WAC: variants seen among roughly 807,000 people sequenced by gnomAD.
WAC encodes the protein WW domain-containing adapter protein with coiled-coil.
A neutral mutation model predicts 79.6 loss-of-function variants in WAC; 11 were observed. The observed-to-expected ratio is 0.14, with a 90% confidence interval of 0.09 to 0.23. The LOEUF is 0.23. WAC is among the 10% of genes least tolerant of loss of function. The pLI is 1.00. For synonymous variants in WAC, 304 were observed against 276.9 expected, an observed-to-expected ratio of 1.10 and a Z score of -0.97; for missense variants, 728 against 773.5, an observed-to-expected ratio of 0.94 and a Z score of 0.70.
intron 11 of WAC, chr10:28,614,967 G>A (rs1841412644): frequency 1.7e-5 from 4 of 232,232 alleles, no homozygotes; most frequent in Non-Finnish European, 3.3e-5. Flanking sequence ...GTACCAGAAA[G>A]GCACACGATT....
chr10:28,614,841 TGTATACAAG>T, intron 11 of WAC, 156 bp downstream of exon 11: 1 of 606,772 alleles, frequency 1.6e-6, no homozygotes, highest in Non-Finnish European at 2.8e-6. Flanking sequence ...AAGACAAACC[TGTATACAAG>T]AGGTAGGTTA....
intron 3 of WAC, among the ~76,000 whole-genome samples, chr10:28,559,136 A>ATG (rs111740298): frequency 0.02 from 2,866 of 146,740 alleles, 83 homozygotes; most frequent in East Asian, 0.065. Context: ...GAGAAACCTG[A>ATG]TGTGTGTGTG....
At chr10:28,586,540 G>A (rs1839830145) in intron 4 of WAC, among the ~76,000 whole-genome samples, 1 of 152,018 alleles carries the variant, frequency 6.6e-6, no homozygotes, top group African/African-American at 2.4e-5. Flanking sequence ...AAAATAAATA[G>A]CTAAGTGTGG....
chr10:28,619,413 T>A lies in WAC; in HGVS notation c.1875-124T>A, dbSNP rs332179. 0.55 allele frequency: 377,655 copies of A among 691,318 alleles called. 104,987 individuals carry two copies. Among genetic ancestry groups the A allele is most frequent in the East Asian group, 0.71 (22,325 of 31,346 alleles). 42.8% of individuals were successfully genotyped at this position (691,318 alleles called of 1,614,324 possible). ...ACCAATTTATAGTTAAATAATTTTT[T>A]AAATTTCTTTGCCTTAATTAGAAAT... On this transcript the variant is annotated intron_variant, in intron 13 of 13. Coordinates refer to ENST00000354911, the MANE Select transcript of WAC (RefSeq NM_016628.5).
chr10:28,541,305 T>C (rs1222233974), intron 3 of WAC, among the ~76,000 whole-genome samples: 1 of 151,410 alleles, frequency 6.6e-6, no homozygotes, highest in Non-Finnish European at 1.5e-5. Context: ...CTGGAAAGAG[T>C]GAAGATGGAA....
chr10:28,540,649 C>A (rs1192131176), intron 3 of WAC, among the ~76,000 whole-genome samples: 1 of 152,144 alleles, frequency 6.6e-6, no homozygotes, highest in African/African-American at 2.4e-5. Flanking sequence ...AATACACTAA[C>A]GTTTGGATTT....
At chr10:28,557,920 A>G (rs1373367030) in intron 3 of WAC, among the ~76,000 whole-genome samples, 1 of 151,900 alleles carries the variant, frequency 6.6e-6, no homozygotes, top group African/African-American at 2.4e-5. Context: ...TAAAAATACA[A>G]AAAATTAGCC....
intron 3 of WAC, among the ~76,000 whole-genome samples, chr10:28,569,199 T>A (rs1838811158): frequency 6.6e-6 from 1 of 152,234 alleles, no homozygotes; most frequent in Admixed American, 6.5e-5. Flanking sequence ...TACTAATAAC[T>A]GTTCTTTATA....
chr10:28,607,599 TG>T (rs1841022312), intron 7 of WAC, among the ~76,000 whole-genome samples: 1 of 152,198 alleles, frequency 6.6e-6, no homozygotes, highest in Non-Finnish European at 1.5e-5. Flanking sequence ...CCTTATATAT[TG>T]AATTACAAAA....
intron 6 of WAC, among the ~76,000 whole-genome samples, chr10:28,595,339 T>C (rs1840303251): frequency 6.6e-6 from 1 of 152,220 alleles, no homozygotes; most frequent in African/African-American, 2.4e-5. Context: ...TGACCTGTAG[T>C]GTAAAAGAAC....
At chr10:28,604,670 A>G (rs1270969679) in intron 7 of WAC, among the ~76,000 whole-genome samples, 1 of 152,204 alleles carries the variant, frequency 6.6e-6, no homozygotes, top group Non-Finnish European at 1.5e-5. Flanking sequence ...CAGTGAGCCA[A>G]GATCACGCCA....
chr10:28,606,033 A>G (rs1377657523), intron 7 of WAC, among the ~76,000 whole-genome samples: 1 of 148,666 alleles, frequency 6.7e-6, no homozygotes, highest in African/African-American at 2.5e-5. Context: ...CATAAAATAC[A>G]ATAGCTGACA....
intron 9 of WAC, chr10:28,611,033 C>T (rs1430351584): frequency 4.9e-6 from 3 of 606,322 alleles, no homozygotes; most frequent in African/African-American, 3.7e-5. Context: ...TGACATTTGT[C>T]TTAAGGTATT....
chr10:28,536,988 C>A (rs1486791358), intron 3 of WAC, among the ~76,000 whole-genome samples: 6 of 152,086 alleles, frequency 3.9e-5, no homozygotes, highest in Non-Finnish European at 8.8e-5. Flanking sequence ...TGCATCTTGC[C>A]CCTTTTGTCC....
intron 6 of WAC, among the ~76,000 whole-genome samples, chr10:28,593,456 G>A (rs1840200009): frequency 6.6e-6 from 1 of 152,016 alleles, no homozygotes; most frequent in Non-Finnish European, 1.5e-5. Flanking sequence ...TATATTAAGT[G>A]TTTGTAAAGC....
In WAC at chr10:28,535,562, G is replaced by A; in HGVS notation, c.79G>A (p.Ala27Thr). 3 of 1,584,558 alleles carry A rather than the reference G, an allele frequency of 1.9e-6. No homozygotes were observed. The highest frequency in any genetic ancestry group is 2.6e-6 in the Non-Finnish European group (3 of 1,163,800). The change falls in exon 3 of 14, where the codon GCA becomes ACA. Residue 27 changes from alanine (A) to threonine (T), a missense_variant and splice_region_variant. Ala to Thr is a moderately conservative substitution (Grantham distance 58, BLOSUM62 0). This residue lies in a region of WAC where 648 missense variants were observed against 661.5 expected (regional missense o/e 0.98). Transcript: ENST00000354911. ...TTTTTGGGGGGGTGATGTTTTACAG[G>A]CACTTAAGTATTCATCGAAGAGTCA... ...DRRGDSQPYQ[A>T]LKYSSKSHPS...
At chr10:28,542,368 G>A (rs536635505) in intron 3 of WAC, among the ~76,000 whole-genome samples, 58 of 152,280 alleles carry the variant, frequency 3.8e-4, no homozygotes, top group African/African-American at 1.4e-3. Context: ...TGAAAGTCAC[G>A]GTGCTGTGCA....
chr10:28,535,872 T>C lies in WAC; in HGVS notation c.274+115T>C, dbSNP rs1836632562. 5.6e-6 allele frequency: 5 copies of C among 897,890 alleles called. No homozygotes were observed. In the South Asian group the frequency reaches 8.4e-5, roughly 15 times the overall value. 55.6% of individuals were successfully genotyped at this position (897,890 alleles called of 1,614,324 possible). A position where few individuals can be genotyped will look rare whatever the true frequency, so the allele number is the denominator to read the frequency against. On this transcript the variant is annotated intron_variant, in intron 3 of 13. Coordinates refer to ENST00000354911, the MANE Select transcript of WAC (RefSeq NM_016628.5). ...TTACTGTTCAGTTATGTCATTAAAA[T>C]ATTTTAATCCTATCATTTTTTTTTT... is the stretch of plus-strand genomic sequence containing the variant.
chr10:28,605,835 G>C (rs1057096088), intron 7 of WAC, among the ~76,000 whole-genome samples: 4 of 152,050 alleles, frequency 2.6e-5, no homozygotes, highest in Non-Finnish European at 5.9e-5. Flanking sequence ...AAAATTTACA[G>C]AAATAACAAA....
Sources: allele counts gnomAD v4.1 joint callset (sites outside exome capture counted in the v4.1 genomes callset), GRCh38; gene constraint gnomAD v4.1.1; regional missense constraint gnomAD v4.1.1; transcripts MANE v1.5; gene names NCBI Gene and HGNC (gene_info 2026-07-23, HGNC 2026-07-21).